The following SEMA6D variants were observed in gnomAD, a reference collection of about 807,000 sequenced individuals.
The protein encoded by SEMA6D is semaphorin 6D, also known as semaphorin-6D.
In SEMA6D, 35 loss-of-function variants were observed where a neutral mutation model predicts 106.6. The ratio of observed to expected loss-of-function variants is 0.33; its 90% CI spans 0.25 to 0.44. SEMA6D has a LOEUF of 0.44. Ranked by LOEUF, SEMA6D falls within the 20% of genes least tolerant of loss-of-function variation. The pLI, the probability that SEMA6D is intolerant of heterozygous loss-of-function variation, is 1.00. For synonymous variants in SEMA6D, 499 were observed against 487.7 expected, an observed-to-expected ratio of 1.02 and a Z score of -0.31; for missense variants, 1,185 against 1,345.9, an observed-to-expected ratio of 0.88 and a Z score of 1.87.
At chr15:47,373,399 A>G (rs1304245705) in intron 1 of SEMA6D, among the ~76,000 whole-genome samples, 1 of 152,242 alleles carries the variant, frequency 6.6e-6, no homozygotes, top group Non-Finnish European at 1.5e-5. Flanking sequence ...TATGACATAC[A>G]TAATGACATA....
chr15:47,199,342 C>G (rs960704157), intron 1 of SEMA6D, among the ~76,000 whole-genome samples: 1 of 152,126 alleles, frequency 6.6e-6, no homozygotes, highest in Admixed American at 6.6e-5. Flanking sequence ...ACATTTCCAG[C>G]AAAGTGTTTT....
At position 47,468,726 on chromosome 15, in the gene SEMA6D, T is replaced by C. The variant is rs150642050; in HGVS notation, c.-158-1748T>C. Among the ~76,000 whole-genome samples the C allele has an allele frequency of 1.0e-3, 152 of 152,292 alleles. 1 individual carries two copies. The East Asian group carries it at 0.022, about 22-fold the overall frequency. On this transcript the variant is annotated intron_variant, in intron 2 of 19. Transcript: ENST00000558014. The stretch of plus-strand genomic sequence containing the variant: ...ACTTATCTTCTACAGAAAAGATCAA[T>C]AAAGCACAGATTGAATTGTTAATAT...
intron 3 of SEMA6D, among the ~76,000 whole-genome samples, chr15:47,563,501 T>C (rs997285399): frequency 3.3e-5 from 5 of 152,156 alleles, no homozygotes; most frequent in African/African-American, 1.2e-4. Flanking sequence ...CCATCTCCAA[T>C]CCTATGCTTT....
intron 1 of SEMA6D, among the ~76,000 whole-genome samples, chr15:47,382,871 G>T (rs1244864051): frequency 6.6e-6 from 1 of 152,178 alleles, no homozygotes; most frequent in African/African-American, 2.4e-5. Context: ...GGGCTCAAGC[G>T]ACTCTCCTGT....
intron 3 of SEMA6D, among the ~76,000 whole-genome samples, chr15:47,474,156 G>C (rs2042936765): frequency 6.6e-6 from 1 of 152,164 alleles, no homozygotes; most frequent in South Asian, 2.1e-4. Context: ...CTGAGTTCCT[G>C]TCAGCTTGTC....
chr15:47,586,778 C>A (rs1032279197), intron 3 of SEMA6D, among the ~76,000 whole-genome samples: 3 of 152,106 alleles, frequency 2.0e-5, no homozygotes, highest in Admixed American at 2.0e-4. Context: ...TTCCACCCCC[C>A]ACCCCACCCG....
chr15:47,756,184 C>T (rs754618429), intron 1 of SEMA6D, among the ~76,000 whole-genome samples: 9 of 152,292 alleles, frequency 5.9e-5, no homozygotes, highest in Non-Finnish European at 1.2e-4. Flanking sequence ...TTACCCTAAG[C>T]TTGCGTGTGA....
chr15:47,694,892 T>A (rs2078666883), intron 4 of SEMA6D, among the ~76,000 whole-genome samples: 1 of 152,154 alleles, frequency 6.6e-6, no homozygotes. Flanking sequence ...TGTATTACAA[T>A]TATTGAGTTG....
chr15:47,271,566 C>A (rs1052031047), intron 1 of SEMA6D, among the ~76,000 whole-genome samples: 1 of 152,072 alleles, frequency 6.6e-6, no homozygotes, highest in African/African-American at 2.4e-5. Flanking sequence ...TAATAAACAT[C>A]CTGAGTGTGG....
intron 2 of SEMA6D, among the ~76,000 whole-genome samples, chr15:47,421,661 G>A (rs2041161598): frequency 6.6e-6 from 1 of 151,966 alleles, no homozygotes; most frequent in Admixed American, 6.6e-5. Context: ...TTAGATTTGT[G>A]GTTGGGATGG....
Position 47,762,336 on chromosome 15 carries a change from G to A in SEMA6D, c.658+17G>A. 9 of 1,611,684 alleles carry A rather than the reference G, an allele frequency of 5.6e-6. No homozygotes were observed. Among genetic ancestry groups the A allele is most frequent in the Non-Finnish European group, 7.6e-6 (9 of 1,179,174 alleles). ...GGATAAAAGGTACCTTTGAAGAGCA[G>A]TGTCGTGGGGTCACCAGGATAGTGG... On this transcript the variant is annotated intron_variant, in intron 8 of 18. Transcript: ENST00000536845.
At chr15:47,737,508 G>A (rs1352880661) in intron 1 of SEMA6D, among the ~76,000 whole-genome samples, 3 of 152,022 alleles carry the variant, frequency 2.0e-5, no homozygotes, top group Non-Finnish European at 2.9e-5. Context: ...TTGTCTATAT[G>A]CATCTCCGGT....
At chr15:47,388,786 T>C (rs538297440) in intron 1 of SEMA6D, among the ~76,000 whole-genome samples, 1 of 133,376 alleles carries the variant, frequency 7.5e-6, no homozygotes, top group African/African-American at 3.5e-5. Flanking sequence ...ATAATGGAGA[T>C]GCAGGAATGA....
At chr15:47,539,869 G>C (rs2045301412) in intron 3 of SEMA6D, among the ~76,000 whole-genome samples, 1 of 152,094 alleles carries the variant, frequency 6.6e-6, no homozygotes, top group South Asian at 2.1e-4. Flanking sequence ...TGATGGAGTT[G>C]CATTTCACTG....
chr15:47,304,739 A>G (rs1170444232), intron 1 of SEMA6D, among the ~76,000 whole-genome samples: 1 of 152,118 alleles, frequency 6.6e-6, no homozygotes, highest in Non-Finnish European at 1.5e-5. Flanking sequence ...TTTTTCCTAA[A>G]TTGCATTGAG....
intron 1 of SEMA6D, among the ~76,000 whole-genome samples, chr15:47,736,807 A>G (rs556600317): frequency 2.0e-4 from 30 of 152,162 alleles, no homozygotes; most frequent in Non-Finnish European, 3.7e-4. Flanking sequence ...CACAATTGCA[A>G]TCAGTTTTTT....
intron 3 of SEMA6D, among the ~76,000 whole-genome samples, chr15:47,511,999 A>G (rs2044249760): frequency 6.6e-6 from 1 of 152,228 alleles, no homozygotes; most frequent in East Asian, 1.9e-4. Flanking sequence ...GTTTGAGGTT[A>G]GGCATATTGC....
intron 3 of SEMA6D, among the ~76,000 whole-genome samples, chr15:47,502,845 A>G (rs1038784056): frequency 7.9e-5 from 12 of 152,216 alleles, no homozygotes; most frequent in Non-Finnish European, 1.8e-4. Flanking sequence ...CTCATCAAAC[A>G]TGTTCTCACT....
At position 47,451,330 on chromosome 15, in the gene SEMA6D, T is replaced by G. The variant is rs113901374; in HGVS notation, c.-158-19144T>G. On this transcript the variant is annotated intron_variant, in intron 2 of 19. Transcript: ENST00000558014. Reference sequence around the variant, plus strand: ...GATCAAAAGCTTCCTCAAAGAGGCCTGTGACCCCCAGAAGTCTAAGAACTA... The same window carrying G: ...GATCAAAAGCTTCCTCAAAGAGGCCGGTGACCCCCAGAAGTCTAAGAACTA... Among the ~76,000 whole-genome samples, 1,393 of 152,150 alleles carry G rather than the reference T, an allele frequency of 9.2e-3. 27 individuals carry two copies. Among genetic ancestry groups the G allele is most frequent in the African/African-American group, 0.031 (1,289 of 41,552 alleles).
Sources: gnomAD v4.1 joint callset for allele counts (sites outside exome capture counted in the v4.1 genomes callset) on GRCh38, gnomAD v4.1.1 for gene constraint, MANE v1.5 for transcripts, NCBI Gene and HGNC (gene_info 2026-07-23, HGNC 2026-07-21) for gene names.